FRMD4B: variants seen among roughly 807,000 people sequenced by gnomAD.
FRMD4B encodes FERM domain containing 4B.
FRMD4B carries 74 observed loss-of-function variants against 141.5 expected under a neutral mutation model. The observed-to-expected ratio is 0.52, with a 90% CI of 0.43 to 0.63. The LOEUF is 0.63. FRMD4B is among the 30% of genes least tolerant of loss of function. The pLI, the probability that FRMD4B is intolerant of heterozygous loss-of-function variation, is 0.00. For missense variants in FRMD4B, 1,366 were observed against 1,253.4 expected (o/e 1.09, Z -1.36); for synonymous variants, 506 against 467.9 (o/e 1.08, Z -1.05).
chr3:69,350,611 T>C (rs1280503435), intron 1 of FRMD4B, among the ~76,000 whole-genome samples: 1 of 152,238 alleles, frequency 6.6e-6, no homozygotes, highest in East Asian at 1.9e-4. Flanking sequence ...TAAGAAAATG[T>C]GGCACATATA....
At chr3:69,323,606 GTGTATA>G (rs1702084141) in intron 1 of FRMD4B, among the ~76,000 whole-genome samples, 1 of 72,626 alleles carries the variant, frequency 1.4e-5, no homozygotes, top group South Asian at 5.0e-4. Flanking sequence ...CTCTCTCTCT[GTGTATA>G]TATATATATA....
chr3:69,498,206 A>G (rs1706434579), intron 1 of FRMD4B, among the ~76,000 whole-genome samples: 1 of 152,256 alleles, frequency 6.6e-6, no homozygotes, highest in Non-Finnish European at 1.5e-5. Flanking sequence ...GGAGGACACC[A>G]GAATCAAGCT....
chr3:69,487,359 A>T (rs1005397194), intron 1 of FRMD4B, among the ~76,000 whole-genome samples: 2 of 152,242 alleles, frequency 1.3e-5, no homozygotes, highest in Non-Finnish European at 2.9e-5. Flanking sequence ...GAAGGATCAG[A>T]TACATAAGGA....
At chr3:69,186,584 T>C (rs893857038) in intron 19 of FRMD4B, among the ~76,000 whole-genome samples, 1 of 152,148 alleles carries the variant, frequency 6.6e-6, no homozygotes, top group Non-Finnish European at 1.5e-5. Context: ...TGATGGCGCG[T>C]GCCTGTAATT....
intron 1 of FRMD4B, among the ~76,000 whole-genome samples, chr3:69,508,609 G>T (rs1418419846): frequency 6.6e-6 from 1 of 152,172 alleles, no homozygotes; most frequent in African/African-American, 2.4e-5. Context: ...TCATCCACCT[G>T]CCCAGATAAA....
chr3:69,290,761 C>A (rs1392370653), intron 4 of FRMD4B, among the ~76,000 whole-genome samples: 1 of 152,042 alleles, frequency 6.6e-6, no homozygotes, highest in African/African-American at 2.4e-5. Flanking sequence ...CTATGATGAC[C>A]CTGATTTCAC....
chr3:69,514,020 T>C (rs748258548), intron 1 of FRMD4B, among the ~76,000 whole-genome samples: 5 of 152,188 alleles, frequency 3.3e-5, no homozygotes, highest in Non-Finnish European at 5.9e-5. Flanking sequence ...CTTTTGCCAG[T>C]TCTTTTCAAC....
At chr3:69,176,402 T>C in intron 22 of FRMD4B, 122 bp downstream of exon 22, 1 of 735,140 alleles carries the variant, frequency 1.4e-6, no homozygotes, top group Non-Finnish European at 2.3e-6. Flanking sequence ...GCAGCTGGAG[T>C]TGGCCCACAG....
chr3:69,492,133 T>C (rs1706309621), intron 1 of FRMD4B, among the ~76,000 whole-genome samples: 1 of 152,178 alleles, frequency 6.6e-6, no homozygotes, highest in African/African-American at 2.4e-5. Flanking sequence ...CTGTTTTCTA[T>C]ATCTTGCATG....
upstream of FRMD4B, among the ~76,000 whole-genome samples, chr3:69,390,721 A>T (rs904090827): frequency 2.0e-5 from 3 of 151,996 alleles, no homozygotes; most frequent in African/African-American, 7.3e-5. Flanking sequence ...GACAAAACCA[A>T]TCTCTACTAA....
At chr3:69,272,567 A>G (rs2093599274) in intron 5 of FRMD4B, among the ~76,000 whole-genome samples, 1 of 152,240 alleles carries the variant, frequency 6.6e-6, no homozygotes, top group Non-Finnish European at 1.5e-5. Flanking sequence ...TAAAACACAT[A>G]CACTCGTATG....
chr3:69,535,471 T>C (rs1452225622), intron 1 of FRMD4B, among the ~76,000 whole-genome samples: 1 of 152,248 alleles, frequency 6.6e-6, no homozygotes, highest in Admixed American at 6.5e-5. Context: ...TACCATTAGT[T>C]CTACTATTAT....
chr3:69,475,204 TTTTC>T (rs1705965269), intron 1 of FRMD4B, among the ~76,000 whole-genome samples: 1 of 152,120 alleles, frequency 6.6e-6, no homozygotes, highest in Non-Finnish European at 1.5e-5. Flanking sequence ...TTTTTCTTTT[TTTTC>T]TTTTATTATT....
intron 1 of FRMD4B, among the ~76,000 whole-genome samples, chr3:69,472,797 C>A (rs1331135826): frequency 6.6e-6 from 1 of 152,068 alleles, no homozygotes; most frequent in African/African-American, 2.4e-5. Context: ...CCCATGGGGA[C>A]TTGCCATGGG....
intron 1 of FRMD4B, among the ~76,000 whole-genome samples, chr3:69,463,026 C>A (rs1282830951): frequency 6.6e-6 from 1 of 152,220 alleles, no homozygotes; most frequent in Non-Finnish European, 1.5e-5. Flanking sequence ...TGGGATTGCA[C>A]TCCCCAATAA....
rs1575785764 is a variant in FRMD4B, at chr3:69,394,165, T to C, written c.-1+38469A>G. Among the ~76,000 whole-genome samples, 6 of 152,188 alleles carry C rather than the reference T, an allele frequency of 3.9e-5. No homozygotes were observed. The South Asian group carries it at 1.2e-3, about 31-fold the overall frequency. On this transcript the variant is annotated intron_variant, in intron 2 of 5. Transcript: ENST00000459638. ...CAAGATCAAGGTGCTGGTCAATTTGTTTTCTGGTAACAGCCCTCTTCCTGG... is the reference window on the plus strand; with the variant it reads ...CAAGATCAAGGTGCTGGTCAATTTGCTTTCTGGTAACAGCCCTCTTCCTGG...
chr3:69,186,509 C>T, intron 19 of FRMD4B, among the ~76,000 whole-genome samples: 1 of 152,098 alleles, frequency 6.6e-6, no homozygotes, highest in East Asian at 1.9e-4. Context: ...GTCAGGAGTT[C>T]AAGACCAGCC....
chr3:69,463,721 T>C (rs1188131454), intron 1 of FRMD4B, among the ~76,000 whole-genome samples: 4 of 152,194 alleles, frequency 2.6e-5, no homozygotes, highest in African/African-American at 9.7e-5. Context: ...ATATAAGTTA[T>C]CTGAAGAGAA....
chr3:69,172,585 G>A (rs2092599534), intron 22 of FRMD4B, among the ~76,000 whole-genome samples: 1 of 152,202 alleles, frequency 6.6e-6, no homozygotes, highest in Non-Finnish European at 1.5e-5. Context: ...TATGCTAGAT[G>A]CTTTCCTCAG....
Sources: gnomAD v4.1 joint callset for allele counts (sites outside exome capture counted in the v4.1 genomes callset) on GRCh38, gnomAD v4.1.1 for gene constraint, MANE v1.5 for transcripts, NCBI Gene and HGNC (gene_info 2026-07-23, HGNC 2026-07-21) for gene names.